The following TAFA2 variants were observed in gnomAD, a reference collection of about 807,000 sequenced individuals.
TAFA2 encodes the protein chemokine-like protein TAFA-2.
Under a neutral mutation model 18.8 loss-of-function variants are expected in TAFA2, and 7 were observed. The ratio of observed to expected loss-of-function variants is 0.37; its 90% confidence interval spans 0.21 to 0.70. TAFA2 has a LOEUF of 0.70. TAFA2 is among the 30% of genes least tolerant of loss of function. TAFA2 has a pLI of 0.53. For missense variants in TAFA2, 122 were observed against 158.1 expected (o/e 0.77, Z 1.23); for synonymous variants, 60 against 54.2 (o/e 1.11, Z -0.47).
intron 1 of TAFA2, among the ~76,000 whole-genome samples, chr12:62,218,135 A>T (rs1371752188): frequency 6.6e-6 from 1 of 151,960 alleles, no homozygotes; most frequent in Non-Finnish European, 1.5e-5. Context: ...AGCTGGGACT[A>T]CAGGCACGCA....
chr12:61,710,974 CA>C (rs35508363), intron 4 of TAFA2, among the ~76,000 whole-genome samples: 96 of 151,606 alleles, frequency 6.3e-4, no homozygotes, highest in African/African-American at 2.1e-3. Flanking sequence ...TTATGGGGGA[CA>C]AAAATATCTG....
chr12:62,205,871 G>A (rs981963083), intron 1 of TAFA2, among the ~76,000 whole-genome samples: 59 of 152,276 alleles, frequency 3.9e-4, no homozygotes, highest in African/African-American at 1.4e-3. Flanking sequence ...CTCACAAAGG[G>A]GATCTTCTGA....
At chr12:61,971,812 T>C (rs1443150116) in intron 1 of TAFA2, among the ~76,000 whole-genome samples, 1 of 151,808 alleles carries the variant, frequency 6.6e-6, no homozygotes, top group African/African-American at 2.4e-5. Context: ...ACATGGCACA[T>C]GTATACATAT....
chr12:62,027,547 T>C (rs1881341144), intron 1 of TAFA2, among the ~76,000 whole-genome samples: 1 of 151,582 alleles, frequency 6.6e-6, no homozygotes, highest in Non-Finnish European at 1.5e-5. Flanking sequence ...ACCTTTCACA[T>C]TGGAATCCCA....
intron 4 of TAFA2, among the ~76,000 whole-genome samples, chr12:61,750,504 C>T (rs147687340): frequency 5.4e-4 from 82 of 152,094 alleles, no homozygotes; most frequent in African/African-American, 2.0e-3. Context: ...TGGGTCAGAA[C>T]CAAAAAAATT....
At chr12:61,734,558 G>A (rs1191804676) in intron 4 of TAFA2, among the ~76,000 whole-genome samples, 2 of 151,926 alleles carry the variant, frequency 1.3e-5, no homozygotes, top group Non-Finnish European at 2.9e-5. Context: ...GAAGCACAGA[G>A]AAAGGAATGT....
At chr12:61,808,199 T>C (rs773873048) in intron 2 of TAFA2, among the ~76,000 whole-genome samples, 1 of 151,488 alleles carries the variant, frequency 6.6e-6, no homozygotes, top group Non-Finnish European at 1.5e-5. Context: ...GCTGTTCTTG[T>C]GACAGTGAAT....
chr12:62,203,852 T>C (rs1228029532), intron 1 of TAFA2, among the ~76,000 whole-genome samples: 1 of 152,228 alleles, frequency 6.6e-6, no homozygotes, highest in Non-Finnish European at 1.5e-5. Flanking sequence ...TTAATGCTGT[T>C]TTATGTGAAT....
chr12:62,185,708 A>T (rs977766645), intron 1 of TAFA2, among the ~76,000 whole-genome samples: 1 of 152,174 alleles, frequency 6.6e-6, no homozygotes, highest in African/African-American at 2.4e-5. Flanking sequence ...TATAAGTATA[A>T]ATGTTGTTTT....
intron 3 of TAFA2, 102 bp from the exon 4 acceptor site, chr12:61,753,848 T>TATTCCCACTGGTA: frequency 2.0e-6 from 2 of 1,003,046 alleles, no homozygotes; most frequent in Non-Finnish European, 2.9e-6. Context: ...TTCCTACCAG[T>TATTCCCACTGGTA]GGGAATACAG....
chr12:62,248,212 G>A (rs2062896120), intron 1 of TAFA2, among the ~76,000 whole-genome samples: 1 of 152,150 alleles, frequency 6.6e-6, no homozygotes, highest in African/African-American at 2.4e-5. Flanking sequence ...TTCCAGGTGG[G>A]TCCACCCCAT....
At chr12:61,972,139 T>C (rs1187610052) in intron 1 of TAFA2, among the ~76,000 whole-genome samples, 1 of 151,698 alleles carries the variant, frequency 6.6e-6, no homozygotes, top group African/African-American at 2.4e-5. Context: ...GCAGGTTTGT[T>C]ATACAGGTAA....
chr12:61,781,449 CAT>C (rs527914645), intron 2 of TAFA2, among the ~76,000 whole-genome samples: 165 of 151,872 alleles, frequency 1.1e-3, no homozygotes, highest in African/African-American at 3.7e-3. Context: ...TTTTATTAAA[CAT>C]ATTTTACTTC....
At chr12:61,910,488 G>A (rs1403096129) in intron 1 of TAFA2, among the ~76,000 whole-genome samples, 1 of 152,130 alleles carries the variant, frequency 6.6e-6, no homozygotes, top group Non-Finnish European at 1.5e-5. Context: ...TCAATTCAGT[G>A]ACCAACATTC....
At chr12:61,923,791 C>T (rs145058395) in intron 1 of TAFA2, among the ~76,000 whole-genome samples, 1,539 of 151,902 alleles carry the variant, frequency 0.01, 41 homozygotes, top group African/African-American at 0.034. Flanking sequence ...CAAACTCCTC[C>T]GAGCTAAAGG....
intron 2 of TAFA2, among the ~76,000 whole-genome samples, chr12:61,777,792 G>C (rs1870331520): frequency 6.6e-6 from 1 of 151,754 alleles, no homozygotes; most frequent in Non-Finnish European, 1.5e-5. Flanking sequence ...TAAAGCACCT[G>C]CTACAGTATC....
chr12:62,009,747 T>G (rs2136710668), intron 1 of TAFA2, among the ~76,000 whole-genome samples: 1 of 152,350 alleles, frequency 6.6e-6, no homozygotes, highest in Non-Finnish European at 1.5e-5. Flanking sequence ...ACCAATATTC[T>G]GAAAACTTGT....
chr12:62,220,687 T>A (rs1022403808), intron 1 of TAFA2, among the ~76,000 whole-genome samples: 1 of 152,128 alleles, frequency 6.6e-6, no homozygotes, highest in Non-Finnish European at 1.5e-5. Context: ...TATGCGTGTG[T>A]GTACGCAGTG....
intron 1 of TAFA2, among the ~76,000 whole-genome samples, chr12:61,891,294 A>T (rs11174220): frequency 0.32 from 48,204 of 152,098 alleles, 11,722 homozygotes; most frequent in African/African-American, 0.68. Flanking sequence ...CAGGAGAAGC[A>T]GAAGCAGTAG....
Sources: gnomAD v4.1 joint callset for allele counts (sites outside exome capture counted in the v4.1 genomes callset) on GRCh38, gnomAD v4.1.1 for gene constraint, MANE v1.5 for transcripts, NCBI Gene and HGNC (gene_info 2026-07-23, HGNC 2026-07-21) for gene names.